JAK3: variants seen among roughly 807,000 people sequenced by gnomAD.
JAK3 encodes tyrosine-protein kinase JAK3.
JAK3 carries 88 observed loss-of-function variants against 120.8 expected under a neutral mutation model. That is an observed-to-expected ratio of 0.73 (90% CI 0.61 to 0.87). The LOEUF is 0.87. Ranked by LOEUF, JAK3 falls within the 40% of genes least tolerant of loss-of-function variation. The probability of loss-of-function intolerance (pLI) is 0.00; values close to 1 mark genes in which losing one functional copy is unlikely to be tolerated. For synonymous variants in JAK3, 592 were observed against 628.6 expected, an observed-to-expected ratio of 0.94 and a Z score of 0.87; for missense variants, 1,254 against 1,501.4, an observed-to-expected ratio of 0.84 and a Z score of 2.72.
Position 17,843,316 on chromosome 19 carries a change from G to A in JAK3, c.420+64C>T. On this transcript the variant is annotated intron_variant, in intron 4 of 23. Coordinates refer to ENST00000458235, the MANE Select transcript of JAK3 (RefSeq NM_000215.4). The surrounding 1 kb of genome is among the most constrained non-coding windows in gnomAD (Gnocchi z 5.4). ...CAGACGAGGCCCCACCTGATTGCAT[G>A]CCAGTCCTCATGTTGCCCCTTGGAC... 6.6e-7 allele frequency: 1 copy of A among 1,513,922 alleles called. No individual in the cohort carries two copies. Among genetic ancestry groups the A allele is most frequent in the African/African-American group, 1.4e-5 (1 of 72,474 alleles). The allele number at this position is 1,513,922 out of a possible 1,614,324, so 93.8% of individuals were successfully genotyped here. A position where few individuals can be genotyped will look rare whatever the true frequency, so the allele number is the denominator to read the frequency against.
intron 10 of JAK3, 39 bp downstream of exon 10, chr19:17,839,438 C>T: frequency 6.5e-7 from 1 of 1,539,822 alleles, no homozygotes; most frequent in Non-Finnish European, 8.8e-7. Context: ...AGCCAGGGTC[C>T]CAGATCAGCC....
Position 17,838,100 on chromosome 19 carries a change from G to A in JAK3, c.1570-37C>T, listed in dbSNP as rs187489360. 845 of 1,613,926 alleles carry A rather than the reference G, an allele frequency of 5.2e-4. No homozygotes were observed. The Middle Eastern group carries it at 0.011, about 21-fold the overall frequency. On this transcript the variant is annotated intron_variant, in intron 11 of 23. Coordinates refer to ENST00000458235, the MANE Select transcript of JAK3 (RefSeq NM_000215.4). The stretch of plus-strand genomic sequence containing the variant: ...GGGGACAGCAGAAGAGGCCAGTGAG[G>A]GGGTTCCTGCAGGATCCCAGCCCAA...
chr19:17,833,918 C>CTGTT (rs1281984254), intron 17 of JAK3, among the ~76,000 whole-genome samples: 4 of 151,826 alleles, frequency 2.6e-5, no homozygotes, highest in Non-Finnish European at 5.9e-5. Flanking sequence ...GGCTAATTTT[C>CTGTT]TGTTTGTTTG....
intron 23 of JAK3, 73 bp downstream of exon 23, chr19:17,830,035 C>A: frequency 9.2e-7 from 1 of 1,092,052 alleles, no homozygotes; most frequent in Non-Finnish European, 1.4e-6. Flanking sequence ...GAGACTCAGG[C>A]GCCAGCTGGC....
Position 17,832,771 on chromosome 19 carries a change from C to T in JAK3, c.2490+19G>A. On this transcript the variant is annotated intron_variant, in intron 18 of 23. Transcript: ENST00000458235. This position sits in a 1 kb window ranked among gnomAD's most constrained non-coding sequence, Gnocchi z 4.7. Reference sequence around the variant, plus strand: ...GCTGCCCTGCCCTCTCCAACCCACCCTGGCCCTGCCCACCTTACCTTGCCC... The same window carrying T: ...GCTGCCCTGCCCTCTCCAACCCACCTTGGCCCTGCCCACCTTACCTTGCCC... 1 of 1,614,252 alleles carries T rather than the reference C, an allele frequency of 6.2e-7. No homozygotes were observed.
rs202076969 is a variant in JAK3, at chr19:17,831,179, A to G, written c.2978+49T>C. 1,373 of 1,559,138 alleles carry G rather than the reference A, an allele frequency of 8.8e-4. 3 individuals are homozygous for G. Among genetic ancestry groups the G allele is most frequent in the Non-Finnish European group, 8.6e-4 (992 of 1,154,928 alleles). ...GGGGCGGGGGCATGGCTGGGGGCGG[A>G]GCCAGAGCCGTGGGGAATAGGGGCG... On this transcript the variant is annotated intron_variant, in intron 21 of 23. Transcript: ENST00000458235. This position sits in a 1 kb window ranked among gnomAD's most constrained non-coding sequence, Gnocchi z 5.1.
chr19:17,842,705 G>A lies in JAK3; in HGVS notation c.567-95C>T, dbSNP rs1013097697. 3.1e-6 allele frequency: 4 copies of A among 1,304,698 alleles called. No homozygotes were observed. Among genetic ancestry groups the A allele is most frequent in the Non-Finnish European group, 4.1e-6 (4 of 967,078 alleles). 80.8% of individuals were successfully genotyped at this position (1,304,698 alleles called of 1,614,324 possible). ...CCCAGGCTTTAGCCCAGGGGCTGGG[G>A]TGCGGCCCTAGTTGGGGCACCAGGC... On this transcript the variant is annotated intron_variant, in intron 5 of 23. Coordinates refer to ENST00000458235, the MANE Select transcript of JAK3 (RefSeq NM_000215.4). The surrounding 1 kb of genome is among the most constrained non-coding windows in gnomAD (Gnocchi z 6.4).
At position 17,843,070 on chromosome 19, in the gene JAK3, G is replaced by A. The variant is rs138201425; in HGVS notation, c.523C>T (p.Arg175Ter). Residue 175 changes from arginine to a stop codon, truncating the protein, a stop_gained, in exon 5 of 24, where the codon CGA becomes TGA. Transcript: ENST00000458235. LOFTEE classifies it high-confidence loss of function. This position sits in a 1 kb window ranked among gnomAD's most constrained non-coding sequence, Gnocchi z 5.4. Reference protein sequence around the residue: ...LAVLDLARMAREQAQRPGELL... With the variant: ...LAVLDLARMA ...TCTCCCGGCCGCTGGGCCTGCTCTC[G>A]CGCCATCCGGGCCAGGTCCAACACG... 3 of 1,610,730 alleles carry A rather than the reference G, an allele frequency of 1.9e-6. No homozygotes were observed. The highest frequency in any genetic ancestry group is 2.5e-6 in the Non-Finnish European group (3 of 1,179,928).
At position 17,831,511 on chromosome 19, in the gene JAK3, G is replaced by A. The variant is rs1341414757; in HGVS notation, c.2806-111C>T. On this transcript the variant is annotated intron_variant, in intron 20 of 23. Transcript: ENST00000458235. This position sits in a 1 kb window ranked among gnomAD's most constrained non-coding sequence, Gnocchi z 5.1. ...ACCCCAACTATAACCCTACCCCCGA[G>A]CCATCCTCCACTGAAGTTCTGATCC... is the stretch of plus-strand genomic sequence containing the variant. The A allele has an allele frequency of 6.6e-6, 10 of 1,523,214 alleles. No individual in the cohort carries two copies. Among genetic ancestry groups the A allele is most frequent in the Non-Finnish European group, 8.9e-6 (10 of 1,124,352 alleles). The allele number at this position is 1,523,214 out of a possible 1,614,324, so 94.4% of individuals were successfully genotyped here.
rs1350753335 is a variant in JAK3 at position 17,831,045 on chromosome 19, A to T, written c.2978+183T>A. Among the ~76,000 whole-genome samples, 1 of 134,732 alleles carries T rather than the reference A, an allele frequency of 7.4e-6. No individual in the cohort carries two copies. The highest frequency in any genetic ancestry group is 1.6e-5 in the Non-Finnish European group (1 of 63,428). 88.4% of individuals were successfully genotyped at this position (134,732 alleles called of 152,430 possible). The stretch of plus-strand genomic sequence containing the variant: ...GGGCCGCTGACAGCAGGGCAGCGGG[A>T]GACAGAGGAGCCAGTGCTGTTGAGG... On this transcript the variant is annotated intron_variant, in intron 21 of 23. Coordinates refer to ENST00000458235, the MANE Select transcript of JAK3 (RefSeq NM_000215.4). The surrounding 1 kb of genome is among the most constrained non-coding windows in gnomAD (Gnocchi z 5.1).
rs1274345651 is a variant in JAK3, at chr19:17,839,627, G to C, written c.1291C>G (p.Arg431Gly). 1.2e-6 allele frequency: 2 copies of C among 1,611,684 alleles called. No individual in the cohort carries two copies. Among genetic ancestry groups the C allele is most frequent in the Admixed American group, 1.7e-5 (1 of 59,660 alleles). The change falls in exon 10 of 24, where the codon CGG (arginine) becomes GGG (glycine). Residue 431 changes from arginine (R) to glycine (G), a missense_variant. Physicochemically the swap from Arg to Gly is moderately radical, Grantham distance 125. Transcript: ENST00000458235. ...AGGAAGGTTCCTGTGGGGCTGCGCC[G>C]GATGAGGCAGCCCTTATAATCAGGA... ...LGPDYKGCLI[R>G]RSPTGTFLLV... is the part of the protein sequence containing the mutation.
chr19:17,830,020 G>T, intron 23 of JAK3, 88 bp downstream of exon 23: 1 of 935,392 alleles, frequency 1.1e-6, no homozygotes, highest in Non-Finnish European at 1.7e-6. Context: ...TTTCTTCTCA[G>T]TACAGAGACT....
Position 17,826,939 on chromosome 19 carries a change from C to T in JAK3, c.3208-29G>A, listed in dbSNP as rs776502148. 12 of 1,598,246 alleles carry T rather than the reference C, an allele frequency of 7.5e-6. 1 individual carries two copies. The highest frequency in any genetic ancestry group is 2.2e-5 in the East Asian group (1 of 44,756). ...AGGGGCGGGGGACAGATAATGGGGTCGTGCCTGAGCAGTCCAAAGGACACA... is the reference window on the plus strand; with the variant it reads ...AGGGGCGGGGGACAGATAATGGGGTTGTGCCTGAGCAGTCCAAAGGACACA... On this transcript the variant is annotated intron_variant, in intron 23 of 23. Transcript: ENST00000458235.
rs1327546191 is a variant in JAK3 at position 17,831,075 on chromosome 19, G to A, written c.2978+153C>T. 6.8e-6 allele frequency among the ~76,000 whole-genome samples: 1 copy of A among 147,916 alleles called. No homozygotes were observed. The highest frequency in any genetic ancestry group is 2.0e-4 in the East Asian group (1 of 4,892). ...GAGGAGCCAGTGCTGTTGAGGGGGC[G>A]GGGCTCTGGGGAGTGGGAGGGGCCA... On this transcript the variant is annotated intron_variant, in intron 21 of 23. Coordinates refer to ENST00000458235, the MANE Select transcript of JAK3 (RefSeq NM_000215.4). This position sits in a 1 kb window ranked among gnomAD's most constrained non-coding sequence, Gnocchi z 5.1.
Position 17,829,284 on chromosome 19 carries a change from C to CCT in JAK3, c.3207+822_3207+823dup, listed in dbSNP as rs1182299761. 2.0e-5 allele frequency among the ~76,000 whole-genome samples: 3 copies of CCT among 152,096 alleles called. No individual in the cohort carries two copies. In the East Asian group the frequency reaches 5.8e-4, roughly 29 times the overall value. The stretch of plus-strand genomic sequence containing the variant: ...GGTTCAAGCAATTCTCCTGCCTCAG[C>CCT]CTCGCAAGTAGCTGAGATCACAGGC... On this transcript the variant is annotated intron_variant, in intron 23 of 23. Coordinates refer to ENST00000458235, the MANE Select transcript of JAK3 (RefSeq NM_000215.4).
rs1335790750 is a variant in JAK3 at position 17,826,396 on chromosome 19, TA to T, written c.*346del. 2 of 305,988 alleles carry T rather than the reference TA, an allele frequency of 6.5e-6. No homozygotes were observed. The highest frequency in any genetic ancestry group is 4.3e-5 in the African/African-American group (2 of 47,056). 19.0% of individuals were successfully genotyped at this position (305,988 alleles called of 1,614,324 possible). On this transcript the variant is annotated 3_prime_UTR_variant, in exon 24 of 24. Coordinates refer to ENST00000458235, the MANE Select transcript of JAK3 (RefSeq NM_000215.4). ...CGAGGCTCTGTCTCAAAAATAAAAA[TA>T]AAAATAAAAAAAATAAAAAGAGAGA...
chr19:17,833,057 G>T, intron 17 of JAK3, 128 bp from the exon 18 acceptor site: 1 of 1,484,114 alleles, frequency 6.7e-7, no homozygotes, highest in Non-Finnish European at 9.0e-7. Flanking sequence ...GCCATTGCAA[G>T]CCAAAGGGTA....
Position 17,832,405 on chromosome 19 carries a change from C to G in JAK3, c.2680+114G>C. Reference sequence around the variant, plus strand: ...ATTCAAACCTGTAACCCATGTGAATCTGGATCAATAATCACGTTCCCAGCC... The same window carrying G: ...ATTCAAACCTGTAACCCATGTGAATGTGGATCAATAATCACGTTCCCAGCC... On this transcript the variant is annotated intron_variant, in intron 19 of 23. Transcript: ENST00000458235. The surrounding 1 kb of genome is among the most constrained non-coding windows in gnomAD (Gnocchi z 4.7). 2 of 1,053,216 alleles carry G rather than the reference C, an allele frequency of 1.9e-6. No homozygotes were observed. Among genetic ancestry groups the G allele is most frequent in the Non-Finnish European group, 3.0e-6 (2 of 677,340 alleles). The allele number at this position is 1,053,216 out of a possible 1,614,324, so 65.2% of individuals were successfully genotyped here. A position where few individuals can be genotyped will look rare whatever the true frequency, so the allele number is the denominator to read the frequency against.
At position 17,843,127 on chromosome 19, in the gene JAK3, G is replaced by C; in HGVS notation, c.466C>G (p.Leu156Val). The change falls in exon 5 of 24, where the codon CTC becomes GTC. Residue 156 changes from leucine (L) to valine (V), a missense_variant. By Grantham distance (32) the Leu-to-Val change is conservative (BLOSUM62 1). Coordinates refer to ENST00000458235, the MANE Select transcript of JAK3 (RefSeq NM_000215.4). The surrounding 1 kb of genome is among the most constrained non-coding windows in gnomAD (Gnocchi z 5.4). The stretch of plus-strand genomic sequence containing the variant: ...CTGAGACACTCACCCTGCTCCTTGA[G>C]ACTGAGGCCCACGGGGAGGCGCCCA... ...VSGRLPVGLS[L>V]KEQGECLSLA... 6.2e-7 allele frequency: 1 copy of C among 1,609,424 alleles called. No homozygotes were observed. The highest frequency in any genetic ancestry group is 8.5e-7 in the Non-Finnish European group (1 of 1,179,866).
Sources: allele counts gnomAD v4.1 joint callset (sites outside exome capture counted in the v4.1 genomes callset), GRCh38; gene constraint gnomAD v4.1.1; non-coding constraint Gnocchi (gnomAD v3.1); transcripts MANE v1.5; gene names NCBI Gene and HGNC (gene_info 2026-07-23, HGNC 2026-07-21).